PRRG2: variants seen among roughly 807,000 people sequenced by gnomAD.
PRRG2 encodes proline rich and Gla domain 2, also known as transmembrane gamma-carboxyglutamic acid protein 2.
A neutral mutation model predicts 27.1 loss-of-function variants in PRRG2; 23 were observed. That is an observed-to-expected ratio of 0.85 (90% CI 0.61 to 1.20). PRRG2 has a LOEUF of 1.20. Among genes scored for constraint, PRRG2 ranks in the 50% most tolerant of loss-of-function variants. PRRG2 has a pLI of 0.00. For missense variants in PRRG2, 276 were observed against 254.8 expected (o/e 1.08, Z -0.57); for synonymous variants, 104 against 103.4 (o/e 1.01, Z -0.03).
upstream of PRRG2, chr19:49,580,633 GA>G (rs1274173713): frequency 6.6e-6 from 1 of 152,200 alleles, no homozygotes; most frequent in East Asian, 1.9e-4. Context: ...ACCGGAAGTA[GA>G]GCTGCCCCTA....
At chr19:49,582,738 G>T (rs551435258) in intron 1 of PRRG2, among the ~76,000 whole-genome samples, 1 of 151,860 alleles carries the variant, frequency 6.6e-6, no homozygotes, top group Non-Finnish European at 1.5e-5. Context: ...CATGGTGGCC[G>T]GCACCTGTAG....
Position 49,583,688 on chromosome 19 carries a change from A to G in PRRG2, c.232A>G (p.Arg78Gly). 2 of 1,614,138 alleles carry G rather than the reference A, an allele frequency of 1.2e-6. No individual in the cohort carries two copies. Among genetic ancestry groups the G allele is most frequent in the East Asian group, 2.2e-5 (1 of 44,886 alleles). ...AGAGAGGTGTTCCTGGGAAGAGGCC[A>G]GGGAGTATTTTGAGGACAACACTCT... ...LEERCSWEEA[R>G]EYFEDNTLTE... The change falls in exon 3 of 7, where the codon AGG becomes GGG. Residue 78 changes from arginine to glycine, a missense_variant. Arg to Gly is a moderately radical substitution (Grantham distance 125). Coordinates refer to ENST00000246794, the MANE Select transcript of PRRG2 (RefSeq NM_000951.3).
intron 4 of PRRG2, among the ~76,000 whole-genome samples, chr19:49,587,964 G>T (rs972866967): frequency 1.3e-5 from 2 of 150,402 alleles, no homozygotes; most frequent in Admixed American, 1.3e-4. Flanking sequence ...TGTTTGTTTT[G>T]TTTTTTTTTA....
At chr19:49,580,973 G>A (rs1452201884), upstream of PRRG2, among the ~76,000 whole-genome samples, 1 of 152,156 alleles carries the variant, frequency 6.6e-6, no homozygotes, top group Non-Finnish European at 1.5e-5. Flanking sequence ...GAGCCATTGG[G>A]AAATTGAAAA....
intron 6 of PRRG2, 95 bp from the exon 7 acceptor site, chr19:49,590,276 G>T: frequency 6.3e-7 from 1 of 1,577,092 alleles, no homozygotes; most frequent in South Asian, 1.1e-5. Flanking sequence ...GTCCTGGATT[G>T]GCTGAGACGC....
Position 49,590,508 on chromosome 19 carries a change from G to C in PRRG2, c.*119G>C. The C allele has an allele frequency of 7.0e-7, 1 of 1,425,376 alleles. No homozygotes were observed. The highest frequency in any genetic ancestry group is 9.7e-7 in the Non-Finnish European group (1 of 1,027,346). 88.3% of individuals were successfully genotyped at this position (1,425,376 alleles called of 1,614,324 possible). A position where few individuals can be genotyped will look rare whatever the true frequency, so the allele number is the denominator to read the frequency against. On this transcript the variant is annotated 3_prime_UTR_variant, in exon 7 of 7. Transcript: ENST00000246794. The stretch of plus-strand genomic sequence containing the variant: ...TTGGAGTGGGGAATGGTGGGAGTAG[G>C]GGTCATCCGGCCCGAGGCCTGCCCT...
At position 49,588,579 on chromosome 19, in the gene PRRG2, CT is replaced by C. The variant is rs1194879833; in HGVS notation, c.388del (p.Trp130GlyfsTer24). The C allele has an allele frequency of 6.4e-7, 1 of 1,556,044 alleles. No individual in the cohort carries two copies. The highest frequency in any genetic ancestry group is 8.7e-7 in the Non-Finnish European group (1 of 1,150,430). ...TCATTGTCCTGGCCGGCCTGGGAGC[CT>C]TTTGGTATCTGCGCTGGCGACAGCA... ...LLIVLAGLGA[F>X]WYLRWRQHRG... On this transcript the variant is annotated frameshift_variant, in exon 5 of 7. Transcript: ENST00000246794. LOFTEE classifies it high-confidence loss of function.
intron 4 of PRRG2, among the ~76,000 whole-genome samples, chr19:49,587,281 T>G (rs1306305384): frequency 6.7e-6 from 1 of 149,874 alleles, no homozygotes; most frequent in Non-Finnish European, 1.5e-5. Context: ...CTAGCTACAA[T>G]GAATAATTTT....
rs535201263 is a variant in PRRG2 at position 49,585,196 on chromosome 19, T to A, written c.301+1244T>A. ...CTGCCTGGTTGCTAAGGAGGCCTTCTCCCTAGCAACCACACCTAGCCAGGC... is the reference window on the plus strand; with the variant it reads ...CTGCCTGGTTGCTAAGGAGGCCTTCACCCTAGCAACCACACCTAGCCAGGC... On this transcript the variant is annotated intron_variant, in intron 4 of 6. Transcript: ENST00000246794. 7.1e-4 allele frequency among the ~76,000 whole-genome samples: 108 copies of A among 152,216 alleles called. 1 individual carries two copies. Among genetic ancestry groups the A allele is most frequent in the African/African-American group, 2.3e-3 (94 of 41,536 alleles).
At chr19:49,582,517 A>G (rs2080635272) in intron 1 of PRRG2, among the ~76,000 whole-genome samples, 1 of 152,004 alleles carries the variant, frequency 6.6e-6, no homozygotes, top group African/African-American at 2.4e-5. Context: ...TCCCAGCACC[A>G]GCACTTTGGG....
At chr19:49,583,398 G>T in intron 2 of PRRG2, 94 bp downstream of exon 2, 1 of 1,525,764 alleles carries the variant, frequency 6.6e-7, no homozygotes, top group South Asian at 1.2e-5. Flanking sequence ...AGGAGTCCAG[G>T]ACCCAGCCCC....
At chr19:49,590,076 G>C in intron 6 of PRRG2, 24 bp downstream of exon 6, 1 of 1,476,386 alleles carries the variant, frequency 6.8e-7, no homozygotes, top group Non-Finnish European at 8.9e-7. Flanking sequence ...CTTCTGCCCG[G>C]GGGCGGGGCG....
chr19:49,580,667 C>G (rs1405575075), upstream of PRRG2: 1 of 152,184 alleles, frequency 6.6e-6, no homozygotes, highest in Admixed American at 6.6e-5. Context: ...CCTCGCCTGG[C>G]TTGCTCAAGT....
In PRRG2 at chr19:49,583,949, GGAGGTGAGT is replaced by G; in HGVS notation, c.301+2_301+10del. 6.2e-7 allele frequency: 1 copy of G among 1,613,516 alleles called. No homozygotes were observed. The highest frequency in any genetic ancestry group is 1.7e-4 in the Middle Eastern group (1 of 6,058). On this transcript the variant is annotated splice_donor_variant and splice_donor_5th_base_variant and coding_sequence_variant and intron_variant, in exon 4 of 7. Coordinates refer to ENST00000246794, the MANE Select transcript of PRRG2 (RefSeq NM_000951.3). LOFTEE classifies it high-confidence loss of function. The stretch of plus-strand genomic sequence containing the variant: ...GGAGAGCTACATCTACAATGGCAAA[GGAGGTGAGT>G]GAGGGGCTGAAGCCATCTTGTTCTG...
intron 1 of PRRG2, among the ~76,000 whole-genome samples, chr19:49,582,362 G>C (rs561596287): frequency 5.3e-5 from 8 of 151,404 alleles, no homozygotes; most frequent in Non-Finnish European, 1.0e-4. Context: ...TGCAACCTCT[G>C]TCTCCCCTTT....
At chr19:49,589,677 C>T (rs2122260062) in intron 5 of PRRG2, among the ~76,000 whole-genome samples, 1 of 151,976 alleles carries the variant, frequency 6.6e-6, no homozygotes, top group African/African-American at 2.4e-5. Flanking sequence ...TCTGTGGTTG[C>T]TGATTTCTGT....
chr19:49,586,441 G>C (rs991675892), intron 4 of PRRG2, among the ~76,000 whole-genome samples: 2 of 149,902 alleles, frequency 1.3e-5, no homozygotes, highest in African/African-American at 4.9e-5. Flanking sequence ...CTGGAGTATA[G>C]TGGAGTGATC....
rs55761110 is a variant in PRRG2, at chr19:49,590,929, C to G, written c.*540C>G. 0.062 allele frequency: 9,529 copies of G among 154,780 alleles called. 318 individuals carry two copies. Among genetic ancestry groups the G allele is most frequent in the South Asian group, 0.12 (659 of 5,422 alleles). The allele number at this position is 154,780 out of a possible 1,614,324, so 9.6% of individuals were successfully genotyped here. On this transcript the variant is annotated 3_prime_UTR_variant, in exon 7 of 7. Coordinates refer to ENST00000246794, the MANE Select transcript of PRRG2 (RefSeq NM_000951.3). ...AGGGAGCTGGAGTTGAGCTGTTCCC[C>G]TAAATAAAAACCCTTCGGAAAGGAG...
At chr19:49,586,072 C>CAAA (rs1171500009) in intron 4 of PRRG2, among the ~76,000 whole-genome samples, 16 of 56,918 alleles carry the variant, frequency 2.8e-4, no homozygotes, top group African/African-American at 4.0e-4. Flanking sequence ...AGAGTGTCTC[C>CAAA]AAAAAAAAAA....
Sources: allele counts gnomAD v4.1 joint callset (sites outside exome capture counted in the v4.1 genomes callset), GRCh38; gene constraint gnomAD v4.1.1; transcripts MANE v1.5; gene names NCBI Gene and HGNC (gene_info 2026-07-23, HGNC 2026-07-21).